The following TPR variants were observed in gnomAD, a reference collection of about 807,000 sequenced individuals.
TPR encodes nucleoprotein TPR.
In TPR, 51 loss-of-function variants were observed where a neutral mutation model predicts 316.1. The ratio of observed to expected loss-of-function variants is 0.16; its 90% confidence interval spans 0.13 to 0.20. The LOEUF is 0.20. TPR is among the 10% of genes least tolerant of loss of function. The pLI is 1.00. For synonymous variants in TPR, 981 were observed against 914.7 expected (o/e 1.07, Z -1.31); for missense variants, 2,272 against 2,754.8 (o/e 0.82, Z 3.92).
Position 186,311,666 on chromosome 1 carries a change from TGAC to T in TPR, c.*2302_*2304del, listed in dbSNP as rs1657249526. 2 of 1,456,540 alleles carry T rather than the reference TGAC, an allele frequency of 1.4e-6. No individual in the cohort carries two copies. Among genetic ancestry groups the T allele is most frequent in the African/African-American group, 2.8e-5 (2 of 71,450 alleles). The allele number at this position is 1,456,540 out of a possible 1,614,324, so 90.2% of individuals were successfully genotyped here. ...TACACTCAGCATTTTCATTTATTATTGACTTTACTGTCAAAAGATATCTTTAAT... is the reference window on the plus strand; with the variant it reads ...TACACTCAGCATTTTCATTTATTATTTTTACTGTCAAAAGATATCTTTAAT... On this transcript the variant is annotated 3_prime_UTR_variant, in exon 51 of 51. Transcript: ENST00000367478.
intron 49 of TPR, among the ~76,000 whole-genome samples, chr1:186,316,453 A>C (rs1657615955): frequency 6.6e-6 from 1 of 152,230 alleles, no homozygotes; most frequent in South Asian, 2.1e-4. Context: ...CTGTGATTTA[A>C]AAAAGTAATA....
chr1:186,322,577 T>G lies in TPR; in HGVS notation c.6307A>C (p.Met2103Leu). ...CGTCCTACAGACTGCCTTCGGGTCA[T>G]CTGAATTCTCTGCGTGTCAAGATAA... ...ELGPPVQRIQMTRRQSVGRGL... is the reference protein window; with the variant it reads ...ELGPPVQRIQLTRRQSVGRGL... Residue 2103 changes from methionine (M) to leucine (L), a missense_variant, in exon 44 of 51, where the codon ATG becomes CTG. This residue lies in a region of TPR where 435 missense variants were observed against 461.1 expected (regional missense o/e 0.94). Coordinates refer to ENST00000367478, the MANE Select transcript of TPR (RefSeq NM_003292.3). 6.2e-7 allele frequency: 1 copy of G among 1,614,074 alleles called. No individual in the cohort carries two copies. The highest frequency in any genetic ancestry group is 8.5e-7 in the Non-Finnish European group (1 of 1,179,948).
rs1443130271 is a variant in TPR, at chr1:186,357,405, AGTT to A, written c.1713_1715del (p.Thr572del). On this transcript the variant is annotated inframe_deletion, in exon 14 of 51. Coordinates refer to ENST00000367478, the MANE Select transcript of TPR (RefSeq NM_003292.3). ...GGTATGTGACTACTTACTTGGATGA[AGTT>A]GTTTCTTGTTCTTCTCTTTCTCTGG... The A allele has an allele frequency of 6.2e-7, 1 of 1,613,518 alleles. No individual in the cohort carries two copies. Among genetic ancestry groups the A allele is most frequent in the Non-Finnish European group, 8.5e-7 (1 of 1,179,916 alleles).
rs1462220660 is a variant in TPR at position 186,362,728 on chromosome 1, C to T, written c.696+109G>A. The T allele has an allele frequency of 5.1e-6, 5 of 971,720 alleles. No individual in the cohort carries two copies. In the East Asian group the frequency reaches 8.0e-5, roughly 16 times the overall value. 60.2% of individuals were successfully genotyped at this position (971,720 alleles called of 1,614,324 possible). The stretch of plus-strand genomic sequence containing the variant: ...GTAATGCATTATTCACATTTAACCA[C>T]TCATCTTACAACTAATCAGGTACAC... On this transcript the variant is annotated intron_variant, in intron 6 of 50. Transcript: ENST00000367478.
intron 31 of TPR, among the ~76,000 whole-genome samples, 176 bp from the exon 32 acceptor site, chr1:186,337,332 G>C (rs73046524): frequency 1.3e-5 from 2 of 152,014 alleles, no homozygotes; most frequent in African/African-American, 4.8e-5. Flanking sequence ...ACTAGTTATG[G>C]TTTTCCACAT....
intron 19 of TPR, among the ~76,000 whole-genome samples, chr1:186,351,741 A>T (rs1658867583): frequency 6.6e-6 from 1 of 152,136 alleles, no homozygotes; most frequent in South Asian, 2.1e-4. Flanking sequence ...AAATAGTAAA[A>T]CTGCACAGGA....
intron 39 of TPR, among the ~76,000 whole-genome samples, chr1:186,329,577 T>C (rs562326247): frequency 6.6e-6 from 1 of 152,226 alleles, no homozygotes; most frequent in African/African-American, 2.4e-5. Flanking sequence ...TCTAACTGTT[T>C]TGACTGTGGC....
At chr1:186,341,539 T>G in intron 27 of TPR, 150 bp from the exon 28 acceptor site, 1 of 762,558 alleles carries the variant, frequency 1.3e-6, no homozygotes, top group Non-Finnish European at 2.0e-6. Context: ...CACGTTTACT[T>G]TTCTGTGAGG....
At chr1:186,331,658 A>C in intron 38 of TPR, 77 bp from the exon 39 acceptor site, 3 of 939,970 alleles carry the variant, frequency 3.2e-6, no homozygotes, top group Non-Finnish European at 4.6e-6. Flanking sequence ...TAGTTCTCTC[A>C]TTTGAAAAAA....
intron 19 of TPR, among the ~76,000 whole-genome samples, chr1:186,351,707 T>C (rs1658866695): frequency 6.6e-6 from 1 of 152,016 alleles, no homozygotes; most frequent in South Asian, 2.1e-4. Context: ...TTAAAGAAAA[T>C]AAAAACCAAA....
intron 13 of TPR, 29 bp downstream of exon 13, chr1:186,358,514 A>G (rs761763444): frequency 3.8e-6 from 6 of 1,579,032 alleles, no homozygotes; most frequent in Non-Finnish European, 5.2e-6. Context: ...GGTTTTTAAA[A>G]GTAGGAAAAC....
chr1:186,312,690 A>G lies in TPR; in HGVS notation c.*1281T>C. ...CATCAGAGGGCTAAAACTGAGATTAAAACTCAGATGTCTGGCTCTTTCCAA... is the reference window on the plus strand; with the variant it reads ...CATCAGAGGGCTAAAACTGAGATTAGAACTCAGATGTCTGGCTCTTTCCAA... On this transcript the variant is annotated 3_prime_UTR_variant, in exon 51 of 51. Coordinates refer to ENST00000367478, the MANE Select transcript of TPR (RefSeq NM_003292.3). 1 of 1,473,072 alleles carries G rather than the reference A, an allele frequency of 6.8e-7. No homozygotes were observed. The highest frequency in any genetic ancestry group is 9.5e-7 in the Non-Finnish European group (1 of 1,053,850). The allele number at this position is 1,473,072 out of a possible 1,614,324, so 91.3% of individuals were successfully genotyped here.
chr1:186,361,851 T>C lies in TPR; in HGVS notation c.808A>G (p.Ser270Gly), dbSNP rs747283430. The change falls in exon 8 of 51, where the codon AGT becomes GGT. Residue 270 changes from serine (S) to glycine (G), a missense_variant. Ser to Gly is a moderately conservative substitution (Grantham distance 56). Transcript: ENST00000367478. Reference protein sequence around the residue: ...KLKEAKEQQASMEEKFHNELN... With the variant: ...KLKEAKEQQAGMEEKFHNELN... The stretch of plus-strand genomic sequence containing the variant: ...TCATTGTGGAATTTCTCTTCCATAC[T>C]GGCCTGTTGTTCCTTGGCCTGAAAA... 4 of 1,612,972 alleles carry C rather than the reference T, an allele frequency of 2.5e-6. No individual in the cohort carries two copies. The highest frequency in any genetic ancestry group is 3.3e-5 in the Admixed American group (2 of 59,902).
intron 6 of TPR, 69 bp downstream of exon 6, chr1:186,362,768 A>G: frequency 1.5e-6 from 2 of 1,356,552 alleles, no homozygotes; most frequent in Non-Finnish European, 2.0e-6. Flanking sequence ...CTGAATACAT[A>G]TTTAATAAAC....
chr1:186,324,987 C>T (rs1236877523), intron 42 of TPR, among the ~76,000 whole-genome samples: 1 of 151,900 alleles, frequency 6.6e-6, no homozygotes, highest in Non-Finnish European at 1.5e-5. Flanking sequence ...AATAGTATTA[C>T]CTATTATATG....
At chr1:186,362,576 C>T (rs1357072650) in intron 6 of TPR, among the ~76,000 whole-genome samples, 196 bp from the exon 7 acceptor site, 2 of 151,980 alleles carry the variant, frequency 1.3e-5, no homozygotes, top group East Asian at 1.9e-4. Flanking sequence ...CAAAAACTTA[C>T]CACCACTTCT....
chr1:186,331,651 T>G (rs1420330118), intron 38 of TPR, 70 bp from the exon 39 acceptor site: 2 of 1,027,302 alleles, frequency 1.9e-6, no homozygotes, highest in Non-Finnish European at 2.7e-6. Flanking sequence ...TTTTTGTTAG[T>G]TCTCTCATTT....
At chr1:186,367,659 A>G (rs996515748) in intron 4 of TPR, among the ~76,000 whole-genome samples, 1 of 152,240 alleles carries the variant, frequency 6.6e-6, no homozygotes, top group African/African-American at 2.4e-5. Context: ...GGTCCAAATT[A>G]CTACTTCTTT....
chr1:186,333,729 G>C (rs1239804572), intron 36 of TPR, among the ~76,000 whole-genome samples: 3 of 152,064 alleles, frequency 2.0e-5, no homozygotes. Context: ...TGATATAACA[G>C]ATAGTAAATT....
Sources: allele counts gnomAD v4.1 joint callset (sites outside exome capture counted in the v4.1 genomes callset), GRCh38; gene constraint gnomAD v4.1.1; regional missense constraint gnomAD v4.1.1; transcripts MANE v1.5; gene names NCBI Gene and HGNC (gene_info 2026-07-23, HGNC 2026-07-21).